MACROD2: variants seen among roughly 807,000 people sequenced by gnomAD.
MACROD2 encodes the protein mono-ADP ribosylhydrolase 2.
A neutral mutation model predicts 70.4 loss-of-function variants in MACROD2; 36 were observed. The observed-to-expected ratio is 0.51, with a 90% CI of 0.39 to 0.68. The LOEUF (loss-of-function observed/expected upper bound fraction) is 0.68, where lower values mean the gene tolerates loss of function less well. Ranked by LOEUF, MACROD2 falls within the 30% of genes least tolerant of loss-of-function variation. The pLI is 0.00. For missense variants in MACROD2, 496 were observed against 538.4 expected (o/e 0.92, Z 0.78); for synonymous variants, 172 against 178.8 (o/e 0.96, Z 0.30).
At chr20:15,305,994 TC>T (rs1198733401) in intron 6 of MACROD2, among the ~76,000 whole-genome samples, 3 of 152,236 alleles carry the variant, frequency 2.0e-5, no homozygotes, top group African/African-American at 7.2e-5. Context: ...GACATTTTCA[TC>T]TGCCTCATTC....
chr20:14,137,794 A>T (rs1028715909), intron 3 of MACROD2, among the ~76,000 whole-genome samples: 11 of 152,194 alleles, frequency 7.2e-5, no homozygotes, highest in African/African-American at 2.7e-4. Flanking sequence ...GACTACACTA[A>T]ACTAATAGGT....
intron 5 of MACROD2, among the ~76,000 whole-genome samples, chr20:14,862,658 T>TATAA (rs2073380105): frequency 6.6e-5 from 3 of 45,470 alleles, no homozygotes; most frequent in East Asian, 6.2e-4. Context: ...TATATATAAA[T>TATAA]ATATATATAA....
At chr20:15,693,797 T>C (rs1405342065) in intron 8 of MACROD2, among the ~76,000 whole-genome samples, 2 of 152,146 alleles carry the variant, frequency 1.3e-5, no homozygotes, top group Non-Finnish European at 2.9e-5. Flanking sequence ...ATTTTTGAGA[T>C]TTTGGTGCAC....
At chr20:15,506,121 A>G (rs1017444370) in intron 8 of MACROD2, among the ~76,000 whole-genome samples, 9 of 152,068 alleles carry the variant, frequency 5.9e-5, no homozygotes, top group African/African-American at 2.2e-4. Context: ...AGGCTCCCAG[A>G]CCTCACCCAG....
chr20:14,106,131 C>A (rs2054364934), intron 3 of MACROD2, among the ~76,000 whole-genome samples: 1 of 152,170 alleles, frequency 6.6e-6, no homozygotes. Context: ...TCTTGGACAG[C>A]ATTTATGGAA....
intron 3 of MACROD2, among the ~76,000 whole-genome samples, chr20:14,296,854 T>C (rs1214515483): frequency 2.0e-5 from 3 of 151,944 alleles, no homozygotes; most frequent in African/African-American, 7.3e-5. Context: ...TTCACTTTAT[T>C]ATACTTCACA....
intron 3 of MACROD2, among the ~76,000 whole-genome samples, chr20:14,274,750 A>G (rs1275009699): frequency 6.6e-6 from 1 of 152,046 alleles, no homozygotes; most frequent in Non-Finnish European, 1.5e-5. Context: ...AGAAAACCCC[A>G]TTGTCTCAGC....
chr20:15,068,379 A>G (rs1351810624), intron 5 of MACROD2, among the ~76,000 whole-genome samples: 6 of 152,226 alleles, frequency 3.9e-5, no homozygotes, highest in Non-Finnish European at 8.8e-5. Flanking sequence ...TGGTGTGCAC[A>G]GAACAAATGC....
intron 5 of MACROD2, among the ~76,000 whole-genome samples, chr20:14,817,516 T>G (rs145407682): frequency 9.6e-4 from 146 of 152,310 alleles, no homozygotes; most frequent in African/African-American, 3.1e-3. Context: ...TATTTTGCCT[T>G]CCAGGCAGAA....
At chr20:14,111,441 A>T (rs2054450145) in intron 3 of MACROD2, among the ~76,000 whole-genome samples, 1 of 152,120 alleles carries the variant, frequency 6.6e-6, no homozygotes, top group Admixed American at 6.6e-5. Flanking sequence ...ATGGGTGAAG[A>T]TATTTGCAAA....
chr20:15,387,712 C>A (rs954263531), intron 6 of MACROD2, among the ~76,000 whole-genome samples: 2 of 150,202 alleles, frequency 1.3e-5, no homozygotes, highest in African/African-American at 4.9e-5. Flanking sequence ...GTACTAAAAT[C>A]ATGTGTTAAG....
At chr20:15,387,372 T>A (rs375306555) in intron 6 of MACROD2, among the ~76,000 whole-genome samples, 22 of 58,128 alleles carry the variant, frequency 3.8e-4, no homozygotes, top group East Asian at 2.6e-3. Flanking sequence ...CTCCCTTTCT[T>A]CCCTCTCTTC....
chr20:14,504,036 C>T (rs1428561693), intron 4 of MACROD2, among the ~76,000 whole-genome samples: 1 of 152,198 alleles, frequency 6.6e-6, no homozygotes, highest in East Asian at 1.9e-4. Context: ...TACTGTGTCT[C>T]CATCAAAGTC....
At chr20:15,204,772 T>G (rs1324828843) in intron 5 of MACROD2, among the ~76,000 whole-genome samples, 1 of 152,130 alleles carries the variant, frequency 6.6e-6, no homozygotes, top group Admixed American at 6.5e-5. Context: ...TTAATGGGAA[T>G]TCCTGGTAGC....
chr20:14,591,116 T>C (rs1201897675), intron 4 of MACROD2, among the ~76,000 whole-genome samples: 1 of 152,198 alleles, frequency 6.6e-6, no homozygotes, highest in African/African-American at 2.4e-5. Flanking sequence ...TTTATGAGTG[T>C]ATTTTAATTA....
intron 8 of MACROD2, among the ~76,000 whole-genome samples, chr20:15,587,937 C>T (rs1287478995): frequency 6.6e-6 from 1 of 152,186 alleles, no homozygotes. Context: ...GATGGTGGCC[C>T]TCTTGTCAAA....
intron 2 of MACROD2, among the ~76,000 whole-genome samples, chr20:14,036,543 T>C (rs1008739082): frequency 6.6e-6 from 1 of 152,192 alleles, no homozygotes; most frequent in Non-Finnish European, 1.5e-5. Context: ...TGGGAGGAAG[T>C]TTCACTGTAA....
Position 15,743,337 on chromosome 20 carries a change from A to G in MACROD2, c.646-119408A>G, listed in dbSNP as rs534306755. On this transcript the variant is annotated intron_variant, in intron 8 of 17. Coordinates refer to ENST00000684519, the MANE Select transcript of MACROD2 (RefSeq NM_001351661.2). ...GGCTATAGATTCATCAGAAGAATTG[A>G]AAATCAAACAGAAATATTGTACAAC... Among the ~76,000 whole-genome samples the G allele has an allele frequency of 7.5e-4, 114 of 152,312 alleles. 1 individual carries two copies. In the South Asian group the frequency reaches 0.021, roughly 28 times the overall value.
intron 4 of MACROD2, among the ~76,000 whole-genome samples, chr20:14,550,783 A>G (rs1003419674): frequency 2.0e-5 from 3 of 152,216 alleles, no homozygotes; most frequent in Non-Finnish European, 4.4e-5. Context: ...GATCATAGTC[A>G]GTATTCAATG....
Sources: gnomAD v4.1 joint callset for allele counts (sites outside exome capture counted in the v4.1 genomes callset) on GRCh38, gnomAD v4.1.1 for gene constraint, MANE v1.5 for transcripts, NCBI Gene and HGNC (gene_info 2026-07-23, HGNC 2026-07-21) for gene names.